The following ERP44 variants were observed in gnomAD, a reference collection of about 807,000 sequenced individuals.
ERP44 encodes the protein endoplasmic reticulum resident protein 44.
ERP44 carries 25 observed loss-of-function variants against 53.4 expected under a neutral mutation model. The observed-to-expected ratio is 0.47, with a 90% confidence interval of 0.34 to 0.65. The LOEUF is 0.65. Among genes scored for constraint, ERP44 ranks in the 30% least tolerant of loss-of-function variants. The pLI is 0.01. For missense variants in ERP44, 338 were observed against 493.2 expected, an observed-to-expected ratio of 0.69 and a Z score of 2.98; for synonymous variants, 145 against 161.2, an observed-to-expected ratio of 0.90 and a Z score of 0.76.
intron 4 of ERP44, among the ~76,000 whole-genome samples, chr9:100,046,859 A>G (rs1171809007): frequency 6.6e-6 from 1 of 152,220 alleles, no homozygotes; most frequent in Non-Finnish European, 1.5e-5. Flanking sequence ...GCTTTACCTG[A>G]CCAGACTTCA....
intron 4 of ERP44, among the ~76,000 whole-genome samples, chr9:100,029,328 G>A (rs1366213700): frequency 4.6e-5 from 7 of 151,990 alleles, no homozygotes; most frequent in Non-Finnish European, 7.4e-5. Context: ...CAACAACAAC[G>A]ACAACAAAAT....
At position 100,042,775 on chromosome 9, in the gene ERP44, C is replaced by T. The variant is rs568074820; in HGVS notation, c.286+9642G>A. ...GTCACTTGCAACAACATGGATGGAA[C>T]TGGAGGTTACTAGGTTAAGTGAAAT... is the stretch of plus-strand genomic sequence containing the variant. On this transcript the variant is annotated intron_variant, in intron 4 of 11. Coordinates refer to ENST00000262455, the MANE Select transcript of ERP44 (RefSeq NM_015051.3). Among the ~76,000 whole-genome samples, 7 of 152,228 alleles carry T rather than the reference C, an allele frequency of 4.6e-5. No individual in the cohort carries two copies. The South Asian group carries it at 1.5e-3, about 32-fold the overall frequency.
At chr9:100,093,545 A>G (rs1033950302) in intron 1 of ERP44, among the ~76,000 whole-genome samples, 1 of 152,108 alleles carries the variant, frequency 6.6e-6, no homozygotes, top group Admixed American at 6.6e-5. Context: ...TTGGGAGGCT[A>G]AGGTGGGAGC....
In ERP44 at chr9:99,979,274, C is replaced by A. The variant is rs1421171998; in HGVS notation, c.*3338G>T. 1 of 149,660 alleles carries A rather than the reference C, an allele frequency of 6.7e-6. No homozygotes were observed. The highest frequency in any genetic ancestry group is 1.5e-5 in the Non-Finnish European group (1 of 67,662). 9.3% of individuals were successfully genotyped at this position (149,660 alleles called of 1,614,324 possible). A position where few individuals can be genotyped will look rare whatever the true frequency, so the allele number is the denominator to read the frequency against. Reference sequence around the variant, plus strand: ...GAGTTATTCTGTTCTTCCTGATTGTCAATCCATTACACTACTTTATCCATT... The same window carrying A: ...GAGTTATTCTGTTCTTCCTGATTGTAAATCCATTACACTACTTTATCCATT... On this transcript the variant is annotated 3_prime_UTR_variant, in exon 12 of 12. Coordinates refer to ENST00000262455, the MANE Select transcript of ERP44 (RefSeq NM_015051.3).
chr9:99,989,967 G>A (rs1329502460), intron 10 of ERP44, among the ~76,000 whole-genome samples: 2 of 152,000 alleles, frequency 1.3e-5, no homozygotes, highest in South Asian at 4.1e-4. Flanking sequence ...GAAGGTTAGA[G>A]AAAAAAGAGT....
intron 1 of ERP44, among the ~76,000 whole-genome samples, chr9:100,097,352 C>T (rs1321168797): frequency 6.6e-6 from 1 of 150,548 alleles, no homozygotes; most frequent in Non-Finnish European, 1.5e-5. Flanking sequence ...AAGATTTTTG[C>T]CCTTTTTTTT....
chr9:100,010,086 C>T (rs985119480), intron 8 of ERP44, among the ~76,000 whole-genome samples: 2 of 152,130 alleles, frequency 1.3e-5, no homozygotes, highest in African/African-American at 4.8e-5. Flanking sequence ...ACTGAAAACC[C>T]CTTGAAGACA....
intron 10 of ERP44, among the ~76,000 whole-genome samples, chr9:99,988,550 C>T (rs1254828590): frequency 6.6e-6 from 1 of 152,180 alleles, no homozygotes; most frequent in Non-Finnish European, 1.5e-5. Flanking sequence ...AAATCTATTA[C>T]TGGGATTACC....
Position 99,980,514 on chromosome 9 carries a change from T to TC in ERP44, c.*2097dup, listed in dbSNP as rs1197191585. 6.5e-6 allele frequency: 1 copy of TC among 153,128 alleles called. No individual in the cohort carries two copies. The highest frequency in any genetic ancestry group is 2.4e-5 in the African/African-American group (1 of 41,486). The allele number at this position is 153,128 out of a possible 1,614,324, so 9.5% of individuals were successfully genotyped here. On this transcript the variant is annotated 3_prime_UTR_variant, in exon 12 of 12. Coordinates refer to ENST00000262455, the MANE Select transcript of ERP44 (RefSeq NM_015051.3). ...AAACCTTTTTATCCACGCTGTCCTT[T>TC]CATCCAAGCACTTGAGCTTAGTGAC...
intron 4 of ERP44, among the ~76,000 whole-genome samples, chr9:100,032,054 T>C (rs1363410004): frequency 6.6e-6 from 1 of 152,140 alleles, no homozygotes; most frequent in Admixed American, 6.5e-5. Flanking sequence ...CCCTAGAAGG[T>C]ATGAAAATGT....
intron 1 of ERP44, among the ~76,000 whole-genome samples, chr9:100,062,303 T>C (rs1826159796): frequency 6.6e-6 from 1 of 152,242 alleles, no homozygotes; most frequent in Non-Finnish European, 1.5e-5. Context: ...CTACCTTTTA[T>C]TATAGGAGTC....
At chr9:100,010,482 C>G (rs1830464550) in intron 8 of ERP44, among the ~76,000 whole-genome samples, 1 of 152,192 alleles carries the variant, frequency 6.6e-6, no homozygotes, top group Non-Finnish European at 1.5e-5. Flanking sequence ...ACTACCACAG[C>G]AGGCAAATAG....
intron 4 of ERP44, among the ~76,000 whole-genome samples, chr9:100,028,940 T>A (rs1339480598): frequency 1.3e-5 from 2 of 152,240 alleles, no homozygotes; most frequent in African/African-American, 2.4e-5. Flanking sequence ...ACAGAATTTT[T>A]AAAATCTATT....
At chr9:100,094,384 G>A (rs952442724) in intron 1 of ERP44, among the ~76,000 whole-genome samples, 3 of 152,128 alleles carry the variant, frequency 2.0e-5, no homozygotes, top group South Asian at 2.1e-4. Flanking sequence ...CAGGCCGGGC[G>A]TGGTGGCTCA....
chr9:100,094,796 C>T (rs1826604296), intron 1 of ERP44, among the ~76,000 whole-genome samples: 1 of 128,836 alleles, frequency 7.8e-6, no homozygotes, highest in Admixed American at 8.9e-5. Context: ...ACCCTTGTCT[C>T]TACAAAAATT....
intron 3 of ERP44, among the ~76,000 whole-genome samples, chr9:100,054,119 C>G (rs1262957004): frequency 1.3e-5 from 2 of 152,148 alleles, no homozygotes; most frequent in Non-Finnish European, 2.9e-5. Flanking sequence ...TGGCTCTTTC[C>G]TCTTTTAGCA....
chr9:100,012,338 T>C (rs1830483933), intron 8 of ERP44, among the ~76,000 whole-genome samples: 1 of 152,188 alleles, frequency 6.6e-6, no homozygotes, highest in Non-Finnish European at 1.5e-5. Context: ...CTTAAAAATA[T>C]ATTAATCACA....
intron 4 of ERP44, among the ~76,000 whole-genome samples, chr9:100,048,343 AT>A (rs1248286241): frequency 1.8e-4 from 27 of 152,166 alleles, no homozygotes; most frequent in Admixed American, 1.7e-3. Flanking sequence ...TTTAAAAAAA[AT>A]AAAAACAACA....
rs533150668 is a variant in ERP44, at chr9:100,004,193, T to C, written c.1016+2313A>G. On this transcript the variant is annotated intron_variant, in intron 10 of 11. Transcript: ENST00000262455. Reference sequence around the variant, plus strand: ...GGTCTGCAAAGTCTAGCCTGGGTCCTGGGGCTTTAGGGGCCAGTCTGAAAC... The same window carrying C: ...GGTCTGCAAAGTCTAGCCTGGGTCCCGGGGCTTTAGGGGCCAGTCTGAAAC... Among the ~76,000 whole-genome samples, 318 of 152,272 alleles carry C rather than the reference T, an allele frequency of 2.1e-3. 1 individual carries two copies. Among genetic ancestry groups the C allele is most frequent in the Middle Eastern group, 6.8e-3 (2 of 294 alleles).
Sources: gnomAD v4.1 joint callset for allele counts (sites outside exome capture counted in the v4.1 genomes callset) on GRCh38, gnomAD v4.1.1 for gene constraint, MANE v1.5 for transcripts, NCBI Gene and HGNC (gene_info 2026-07-23, HGNC 2026-07-21) for gene names.